Variants in UBR3 observed in about 807,000 individuals in gnomAD.
UBR3 encodes the protein ubiquitin protein ligase E3 component n-recognin 3.
In UBR3, 85 loss-of-function variants were observed where a neutral mutation model predicts 243.2. The observed-to-expected ratio is 0.35, with a 90% CI of 0.29 to 0.42. UBR3 has a LOEUF of 0.42. Among genes scored for constraint, UBR3 ranks in the 10% least tolerant of loss-of-function variants. UBR3 has a pLI of 1.00. For missense variants in UBR3, 1,686 were observed against 2,300.8 expected (o/e 0.73, Z 5.47); for synonymous variants, 748 against 799.8 (o/e 0.94, Z 1.09).
intron 10 of UBR3, among the ~76,000 whole-genome samples, chr2:169,912,745 G>A (rs2085301359): frequency 6.6e-6 from 1 of 151,636 alleles, no homozygotes; most frequent in South Asian, 2.1e-4. Flanking sequence ...TTGGTCTTAT[G>A]GTAACTCTAT....
rs961057430 is a variant in UBR3, at chr2:169,901,961, G to A, written c.1466-3153G>A. 3.9e-5 allele frequency among the ~76,000 whole-genome samples: 6 copies of A among 152,262 alleles called. No individual in the cohort carries two copies. The East Asian group carries it at 1.2e-3, about 29-fold the overall frequency. ...ATCAAACTACTTATTGAACTATATT[G>A]TTTGGATGTCTATAAACACCTCAAA... On this transcript the variant is annotated intron_variant, in intron 8 of 38. Transcript: ENST00000272793.
chr2:169,880,160 G>A (rs897481761), intron 5 of UBR3, among the ~76,000 whole-genome samples: 1 of 152,188 alleles, frequency 6.6e-6, no homozygotes, highest in Admixed American at 6.5e-5. Context: ...AAAGCCACCT[G>A]AGCAGGGGTC....
rs2082076268 is a variant in UBR3, at chr2:169,835,997, CTCTCTCTCTCTCTCT to C, written c.545+7946_545+7960del. On this transcript the variant is annotated intron_variant, in intron 1 of 38. Transcript: ENST00000272793. ...CCTGAAATTCCTGTGTGCACTGTCT[CTCTCTCTCTCTCTCT>C]CTCTCTCTCTCTCTCTCTCTCTCTC... Among the ~76,000 whole-genome samples the C allele has an allele frequency of 1.1e-3, 45 of 40,470 alleles. 1 individual carries two copies. Among genetic ancestry groups the C allele is most frequent in the East Asian group, 4.2e-3 (7 of 1,674 alleles). 26.5% of individuals were successfully genotyped at this position (40,470 alleles called of 152,430 possible).
intron 1 of UBR3, among the ~76,000 whole-genome samples, chr2:169,847,839 T>C (rs757875565): frequency 2.0e-4 from 30 of 152,256 alleles, no homozygotes; most frequent in Non-Finnish European, 3.5e-4. Context: ...CAAATGTTTT[T>C]ATCCCTGGCC....
intron 38 of UBR3, among the ~76,000 whole-genome samples, chr2:170,081,389 A>G (rs756615925): frequency 6.6e-6 from 1 of 150,860 alleles, no homozygotes; most frequent in Non-Finnish European, 1.5e-5. Context: ...AGTCCCAGCT[A>G]CTCTAGAGGC....
intron 24 of UBR3, among the ~76,000 whole-genome samples, chr2:169,968,480 A>T (rs1349279473): frequency 6.6e-6 from 1 of 152,180 alleles, no homozygotes; most frequent in African/African-American, 2.4e-5. Context: ...TGTTTCACTT[A>T]ACATAATGAC....
At chr2:169,883,695 G>GA (rs1371410966) in intron 5 of UBR3, among the ~76,000 whole-genome samples, 1 of 152,078 alleles carries the variant, frequency 6.6e-6, no homozygotes, top group African/African-American at 2.4e-5. Flanking sequence ...TATCTCTTGG[G>GA]AAAAAATACA....
chr2:170,029,957 A>G (rs1250692368), intron 31 of UBR3, among the ~76,000 whole-genome samples: 1 of 152,130 alleles, frequency 6.6e-6, no homozygotes, highest in African/African-American at 2.4e-5. Context: ...ACTCTGAAAT[A>G]CAGTTTGGCA....
At chr2:169,845,234 G>A (rs1428092072) in intron 1 of UBR3, among the ~76,000 whole-genome samples, 1 of 151,894 alleles carries the variant, frequency 6.6e-6, no homozygotes, top group Non-Finnish European at 1.5e-5. Context: ...ACCAGCCTGG[G>A]CAACATGTTA....
chr2:169,881,603 C>T lies in UBR3; in HGVS notation c.1038+3029C>T, dbSNP rs559692121. 1.1e-3 allele frequency among the ~76,000 whole-genome samples: 55 copies of T among 50,992 alleles called. No homozygotes were observed. The East Asian group carries it at 0.013, about 12-fold the overall frequency. The allele number at this position is 50,992 out of a possible 152,430, so 33.5% of individuals were successfully genotyped here. A position where few individuals can be genotyped will look rare whatever the true frequency, so the allele number is the denominator to read the frequency against. ...AGAGTTGTTTAGCCAGAGGTATCTA[C>T]CGTATGTTTCTTTTTTTTTTTTTTG... is the stretch of plus-strand genomic sequence containing the variant. On this transcript the variant is annotated intron_variant, in intron 5 of 38. Coordinates refer to ENST00000272793, the MANE Select transcript of UBR3 (RefSeq NM_172070.4).
chr2:169,924,209 A>G (rs1465928022), intron 13 of UBR3, 36 bp downstream of exon 13: 3 of 1,436,846 alleles, frequency 2.1e-6, no homozygotes, highest in African/African-American at 2.9e-5. Flanking sequence ...TTTGAAGTGG[A>G]TTCCTTGTTT....
intron 6 of UBR3, among the ~76,000 whole-genome samples, chr2:169,894,035 C>A (rs2084478837): frequency 6.6e-6 from 1 of 151,912 alleles, no homozygotes; most frequent in South Asian, 2.1e-4. Flanking sequence ...TGGAAATGAT[C>A]TGTTTCAGGA....
chr2:169,949,491 A>G, intron 22 of UBR3, 114 bp from the exon 23 acceptor site: 3 of 973,604 alleles, frequency 3.1e-6, no homozygotes, highest in Non-Finnish European at 4.4e-6. Context: ...TCTATTGAAT[A>G]AATCTTTGTA....
At chr2:169,856,606 A>C (rs1357200807) in intron 1 of UBR3, among the ~76,000 whole-genome samples, 1 of 152,212 alleles carries the variant, frequency 6.6e-6, no homozygotes, top group East Asian at 1.9e-4. Flanking sequence ...CGAGGCTGGC[A>C]GATCACTCGC....
rs1289008726 is a variant in UBR3 at position 169,994,343 on chromosome 2, A to T, written c.3805A>T (p.Asn1269Tyr). The T allele has an allele frequency of 6.2e-7, 1 of 1,614,144 alleles. No individual in the cohort carries two copies. The highest frequency in any genetic ancestry group is 8.5e-7 in the Non-Finnish European group (1 of 1,180,008). Residue 1269 changes from asparagine to tyrosine, a missense_variant, in exon 26 of 39, where the codon AAT becomes TAT. By Grantham distance (143) the Asn-to-Tyr change is moderately radical. Coordinates refer to ENST00000272793, the MANE Select transcript of UBR3 (RefSeq NM_172070.4). The stretch of plus-strand genomic sequence containing the variant: ...TGTAGTTTTGGGGCAGTGCCGTGAC[A>T]ATGTTGAGCCAAAAAAGTTGCCGAT... ...ASSVLGQCRD[N>Y]VEPKKLPISE...
At chr2:170,010,304 G>A (rs1013840590) in intron 29 of UBR3, among the ~76,000 whole-genome samples, 79 of 152,238 alleles carry the variant, frequency 5.2e-4, no homozygotes, top group African/African-American at 1.9e-3. Flanking sequence ...TAACATTGTA[G>A]ACGATTGGGT....
At chr2:169,936,441 A>G (rs1255727552) in intron 19 of UBR3, among the ~76,000 whole-genome samples, 1 of 152,050 alleles carries the variant, frequency 6.6e-6, no homozygotes, top group African/African-American at 2.4e-5. Flanking sequence ...TGATATATTA[A>G]TGATAGTTTT....
chr2:169,900,015 A>C (rs901763055), intron 8 of UBR3, among the ~76,000 whole-genome samples: 1 of 152,164 alleles, frequency 6.6e-6, no homozygotes, highest in Non-Finnish European at 1.5e-5. Context: ...TATACCCAGT[A>C]AAGGGATTGC....
In UBR3 at chr2:170,061,363, C is replaced by G; in HGVS notation, c.4939C>G (p.Gln1647Glu). ...WSPESMEKCL[Q>E]DFCLPFLRIT... Reference sequence around the variant, plus strand: ...TCCTGAATCCATGGAAAAATGCTTACAGGACTTCTGCTTACCTTTTCTCAG... The same window carrying G: ...TCCTGAATCCATGGAAAAATGCTTAGAGGACTTCTGCTTACCTTTTCTCAG... Residue 1647 changes from glutamine to glutamate, a missense_variant, in exon 35 of 39, where the codon CAG becomes GAG. This residue lies in a region of UBR3 where 371 missense variants were observed against 422.5 expected (regional missense o/e 0.88). Coordinates refer to ENST00000272793, the MANE Select transcript of UBR3 (RefSeq NM_172070.4). The G allele has an allele frequency of 6.2e-7, 1 of 1,614,152 alleles. No homozygotes were observed. Among genetic ancestry groups the G allele is most frequent in the East Asian group, 2.2e-5 (1 of 44,882 alleles).
Sources: allele counts gnomAD v4.1 joint callset (sites outside exome capture counted in the v4.1 genomes callset), GRCh38; gene constraint gnomAD v4.1.1; regional missense constraint gnomAD v4.1.1; transcripts MANE v1.5; gene names NCBI Gene and HGNC (gene_info 2026-07-23, HGNC 2026-07-21).